Variants in PDSS2 observed in about 807,000 individuals in gnomAD.
The protein encoded by PDSS2 is all trans-polyprenyl-diphosphate synthase PDSS2.
In PDSS2, 31 loss-of-function variants were observed where a neutral mutation model predicts 44.5. The ratio of observed to expected loss-of-function variants is 0.70; its 90% CI spans 0.52 to 0.94. PDSS2 has a LOEUF of 0.94. PDSS2 is among the 40% of genes least tolerant of loss of function. The pLI is 0.00. For missense variants in PDSS2, 452 were observed against 482.2 expected, an observed-to-expected ratio of 0.94 and a Z score of 0.59; for synonymous variants, 157 against 180.3, an observed-to-expected ratio of 0.87 and a Z score of 1.03.
intron 1 of PDSS2, among the ~76,000 whole-genome samples, chr6:107,386,084 C>A (rs981167708): frequency 5.3e-5 from 8 of 152,078 alleles, no homozygotes; most frequent in Non-Finnish European, 8.8e-5. Context: ...TCTAAAAAGG[C>A]ATCTTTGAGA....
chr6:107,311,216 G>A (rs1453665470), intron 2 of PDSS2, among the ~76,000 whole-genome samples: 4 of 122,628 alleles, frequency 3.3e-5, no homozygotes, highest in Non-Finnish European at 6.9e-5. Flanking sequence ...TTTTTTTTGA[G>A]ACAGGGTCTT....
At chr6:107,194,986 G>T (rs1183043685) in intron 6 of PDSS2, among the ~76,000 whole-genome samples, 1 of 151,332 alleles carries the variant, frequency 6.6e-6, no homozygotes, top group Non-Finnish European at 1.5e-5. Context: ...AACAACCAGG[G>T]TTAGTTTTTG....
intron 1 of PDSS2, among the ~76,000 whole-genome samples, chr6:107,441,256 T>C (rs919069705): frequency 2.0e-5 from 3 of 152,188 alleles, no homozygotes; most frequent in African/African-American, 4.8e-5. Context: ...ATTCAAATGC[T>C]TCTACCAACA....
intron 6 of PDSS2, among the ~76,000 whole-genome samples, chr6:107,204,816 A>T (rs1484891147): frequency 6.6e-6 from 1 of 152,194 alleles, no homozygotes; most frequent in Non-Finnish European, 1.5e-5. Flanking sequence ...TGGGCCATAG[A>T]CAACCTTTAG....
intron 7 of PDSS2, among the ~76,000 whole-genome samples, chr6:107,191,164 T>G (rs1031043893): frequency 6.6e-6 from 1 of 152,174 alleles, no homozygotes; most frequent in Admixed American, 6.5e-5. Context: ...GTGCTGGGAT[T>G]ACAGGTGTGA....
At chr6:107,402,451 C>CACATATATACGTATATATATGTAT (rs1780140667) in intron 1 of PDSS2, among the ~76,000 whole-genome samples, 3 of 8,114 alleles carry the variant, frequency 3.7e-4, no homozygotes, top group African/African-American at 2.0e-3. Context: ...CACACACACA[C>CACATATATACGTATATATATGTAT]ACATATATAT....
rs113373273 is a variant in PDSS2, at chr6:107,362,678, G to A, written c.297-28346C>T. ...ACCAGAACATATGATCCATACAAAA[G>A]CAGTCATTAGAAACTATCTCTAAGT... is the stretch of plus-strand genomic sequence containing the variant. On this transcript the variant is annotated intron_variant, in intron 1 of 7. Coordinates refer to ENST00000369037, the MANE Select transcript of PDSS2 (RefSeq NM_020381.4). Among the ~76,000 whole-genome samples, 1,381 of 152,238 alleles carry A rather than the reference G, an allele frequency of 9.1e-3. 17 individuals are homozygous for A. Among genetic ancestry groups the A allele is most frequent in the African/African-American group, 0.029 (1,186 of 41,544 alleles).
intron 3 of PDSS2, among the ~76,000 whole-genome samples, chr6:107,248,109 C>G (rs1774687910): frequency 6.6e-6 from 1 of 152,120 alleles, no homozygotes; most frequent in Non-Finnish European, 1.5e-5. Flanking sequence ...AGCAGCCACT[C>G]ACAATTTAGT....
At chr6:107,385,799 C>T (rs1266257528) in intron 1 of PDSS2, among the ~76,000 whole-genome samples, 1 of 151,564 alleles carries the variant, frequency 6.6e-6, no homozygotes, top group African/African-American at 2.4e-5. Flanking sequence ...AAATCTGTTT[C>T]CAGGTCCTGC....
chr6:107,362,443 A>G (rs1036961382), intron 1 of PDSS2, among the ~76,000 whole-genome samples: 2 of 152,214 alleles, frequency 1.3e-5, no homozygotes, highest in African/African-American at 2.4e-5. Flanking sequence ...AGCCAGACTT[A>G]CAAATAAAAG....
chr6:107,264,979 T>A (rs1199220364), intron 3 of PDSS2, among the ~76,000 whole-genome samples: 1 of 152,204 alleles, frequency 6.6e-6, no homozygotes, highest in African/African-American at 2.4e-5. Context: ...AAACTTGCCC[T>A]TATGTTCCAT....
At chr6:107,182,413 C>T (rs1772016106) in intron 7 of PDSS2, among the ~76,000 whole-genome samples, 1 of 152,188 alleles carries the variant, frequency 6.6e-6, no homozygotes, top group Non-Finnish European at 1.5e-5. Flanking sequence ...CAACCTCTGC[C>T]TCCTGGGTTC....
intron 1 of PDSS2, among the ~76,000 whole-genome samples, chr6:107,363,618 G>A (rs1210688895): frequency 6.6e-6 from 1 of 152,202 alleles, no homozygotes; most frequent in Non-Finnish European, 1.5e-5. Context: ...AAGAGTTATT[G>A]CAAAGAGCGA....
chr6:107,411,879 C>CTTTTTTTTT (rs145161415), intron 1 of PDSS2, among the ~76,000 whole-genome samples: 6 of 93,884 alleles, frequency 6.4e-5, no homozygotes, highest in Admixed American at 2.5e-4. Flanking sequence ...TCTTCTTCTT[C>CTTTTTTTTT]TTTTTTTTTT....
intron 1 of PDSS2, among the ~76,000 whole-genome samples, chr6:107,338,415 TACTGAATGCTC>T (rs1777973811): frequency 6.6e-6 from 1 of 152,174 alleles, no homozygotes; most frequent in South Asian, 2.1e-4. Context: ...GCCAAGAGTG[TACTGAATGCTC>T]ACTGCATGCC....
intron 1 of PDSS2, among the ~76,000 whole-genome samples, chr6:107,336,482 A>C (rs902258658): frequency 3.3e-5 from 5 of 152,086 alleles, no homozygotes; most frequent in African/African-American, 7.2e-5. Context: ...AGAAATTCTA[A>C]TTTCCTAGGA....
chr6:107,421,147 C>A (rs934038857), intron 1 of PDSS2, among the ~76,000 whole-genome samples: 1 of 152,150 alleles, frequency 6.6e-6, no homozygotes, highest in African/African-American at 2.4e-5. Context: ...GATATTACTA[C>A]ACATCTATTA....
intron 2 of PDSS2, among the ~76,000 whole-genome samples, chr6:107,318,901 T>G (rs558811287): frequency 6.6e-5 from 10 of 152,112 alleles, no homozygotes; most frequent in African/African-American, 2.2e-4. Flanking sequence ...GGCAGGAGAA[T>G]CACTTGAACC....
At chr6:107,163,030 A>G (rs1173126134) in intron 7 of PDSS2, among the ~76,000 whole-genome samples, 2 of 152,200 alleles carry the variant, frequency 1.3e-5, no homozygotes, top group Non-Finnish European at 2.9e-5. Flanking sequence ...TTCATAAATC[A>G]CATTTGTTTG....
Sources: allele counts gnomAD v4.1 joint callset (sites outside exome capture counted in the v4.1 genomes callset), GRCh38; gene constraint gnomAD v4.1.1; transcripts MANE v1.5; gene names NCBI Gene and HGNC (gene_info 2026-07-23, HGNC 2026-07-21).